The following XKR9 variants were observed in gnomAD, a reference collection of about 807,000 sequenced individuals.
The protein encoded by XKR9 is XK-related protein 9.
In XKR9, 32 loss-of-function variants were observed where a neutral mutation model predicts 32.0. The ratio of observed to expected loss-of-function variants is 1.00; its 90% CI spans 0.76 to 1.34. The LOEUF (loss-of-function observed/expected upper bound fraction) is 1.34, where lower values mean the gene tolerates loss of function less well. Ranked by LOEUF, XKR9 falls within the 40% of genes most tolerant of loss-of-function variation. The probability of loss-of-function intolerance (pLI) is 0.00; values close to 1 mark genes in which losing one functional copy is unlikely to be tolerated. For missense variants in XKR9, 546 were observed against 429.7 expected (o/e 1.27, Z -2.39); for synonymous variants, 168 against 143.4 (o/e 1.17, Z -1.22).
the XKR9 span, among the ~76,000 whole-genome samples, chr8:70,943,034 TA>T: frequency 6.0e-5 from 9 of 151,004 alleles, no homozygotes; most frequent in East Asian, 1.9e-4. Flanking sequence ...TAATACAGCC[TA>T]AAAATTTATG....
the XKR9 span, among the ~76,000 whole-genome samples, chr8:70,831,225 A>C: frequency 6.8e-6 from 1 of 147,818 alleles, no homozygotes; most frequent in Non-Finnish European, 1.5e-5. Context: ...TGGGAGACGG[A>C]GGTTGCAGTG....
the XKR9 span, among the ~76,000 whole-genome samples, chr8:70,867,908 A>G: frequency 1.3e-5 from 2 of 152,224 alleles, no homozygotes; most frequent in African/African-American, 4.8e-5. Context: ...GCATTGGGTA[A>G]ATATAGTCAT....
chr8:70,705,392 G>A (rs1295864667), intron 3 of XKR9, among the ~76,000 whole-genome samples: 3 of 152,172 alleles, frequency 2.0e-5, no homozygotes, highest in Non-Finnish European at 4.4e-5. Context: ...ATAGGGTAAA[G>A]AGATAGAATA....
At chr8:70,866,224 A>C in the XKR9 span, among the ~76,000 whole-genome samples, 2 of 152,230 alleles carry the variant, frequency 1.3e-5, no homozygotes, top group Admixed American at 1.3e-4. Context: ...GCACATGCCT[A>C]AATTCCCCAG....
the XKR9 span, among the ~76,000 whole-genome samples, chr8:70,810,596 T>C: frequency 6.6e-6 from 1 of 151,984 alleles, no homozygotes; most frequent in Non-Finnish European, 1.5e-5. Context: ...TGGAGGAAGA[T>C]CTACAAAGCA....
At chr8:70,870,137 A>G in the XKR9 span, among the ~76,000 whole-genome samples, 2 of 152,202 alleles carry the variant, frequency 1.3e-5, no homozygotes, top group African/African-American at 4.8e-5. Context: ...TCTCTCTTGT[A>G]AGGTCTTAAC....
At chr8:70,904,830 T>C in the XKR9 span, among the ~76,000 whole-genome samples, 1 of 152,212 alleles carries the variant, frequency 6.6e-6, no homozygotes, top group Non-Finnish European at 1.5e-5. Flanking sequence ...TGACAAAATC[T>C]CTCGGCAGTT....
At chr8:70,753,811 G>A (rs71525106) in intron 2 of XKR9, among the ~76,000 whole-genome samples, 42,683 of 140,308 alleles carry the variant, frequency 0.3, 7,589 homozygotes, top group Non-Finnish European at 0.41. Context: ...CCAATATCAT[G>A]CTGAATGGGC....
At chr8:70,776,947 C>CTCTCTCTATATATATATATATATATA in intron 2 of XKR9, among the ~76,000 whole-genome samples, 14 of 54,202 alleles carry the variant, frequency 2.6e-4, no homozygotes, top group African/African-American at 9.5e-4. Context: ...CTCTCTCTCT[C>CTCTCTCTATATATATATATATATATA]TATATATATA....
the XKR9 span, among the ~76,000 whole-genome samples, chr8:70,952,187 C>G: frequency 7.1e-6 from 1 of 140,090 alleles, no homozygotes; most frequent in African/African-American, 2.6e-5. Flanking sequence ...CACACACACA[C>G]AGTACTCTTA....
At chr8:70,929,988 TC>T in the XKR9 span, among the ~76,000 whole-genome samples, 1 of 152,190 alleles carries the variant, frequency 6.6e-6, no homozygotes, top group Non-Finnish European at 1.5e-5. Context: ...GGCACCTTCT[TC>T]AGATTTCCAA....
At chr8:70,805,576 A>T in the XKR9 span, among the ~76,000 whole-genome samples, 1 of 152,218 alleles carries the variant, frequency 6.6e-6, no homozygotes, top group Admixed American at 6.5e-5. Context: ...TGCTGAAGCC[A>T]GGGAGACTGG....
At chr8:70,773,211 G>A (rs1807476688) in intron 2 of XKR9, among the ~76,000 whole-genome samples, 1 of 152,168 alleles carries the variant, frequency 6.6e-6, no homozygotes, top group African/African-American at 2.4e-5. Context: ...GTGTCTTTGA[G>A]GGATTTTTAG....
the XKR9 span, among the ~76,000 whole-genome samples, chr8:70,797,218 C>T: frequency 6.6e-6 from 1 of 152,150 alleles, no homozygotes; most frequent in Non-Finnish European, 1.5e-5. Flanking sequence ...TGCGCACACA[C>T]ACACATGCAC....
chr8:70,876,970 A>G, the XKR9 span, among the ~76,000 whole-genome samples: 72 of 152,140 alleles, frequency 4.7e-4, no homozygotes, highest in Non-Finnish European at 8.2e-4. Context: ...CATCTGTAAT[A>G]GTAGTGTATT....
chr8:70,926,127 T>A, the XKR9 span, among the ~76,000 whole-genome samples: 2 of 152,178 alleles, frequency 1.3e-5, no homozygotes, highest in African/African-American at 2.4e-5. Context: ...TAGGCTGGAG[T>A]GCAATGGCGC....
At chr8:70,737,839 AGCTTTTTGAT>A (rs1317153802), downstream of XKR9, among the ~76,000 whole-genome samples, 15 of 120,590 alleles carry the variant, frequency 1.2e-4, no homozygotes, top group Admixed American at 1.0e-3. Context: ...ATGGTGGATA[AGCTTTTTGAT>A]GTGCTGCTGG....
chr8:71,057,949 C>T, the XKR9 span, among the ~76,000 whole-genome samples: 2 of 152,008 alleles, frequency 1.3e-5, no homozygotes, highest in African/African-American at 4.8e-5. Flanking sequence ...CTTTGGGAGG[C>T]CGAGGTGGAT....
At chr8:70,983,136 A>G in the XKR9 span, among the ~76,000 whole-genome samples, 1 of 152,174 alleles carries the variant, frequency 6.6e-6, no homozygotes, top group Non-Finnish European at 1.5e-5. Context: ...TCTCATCTCG[A>G]ATGCACAATT....
Sources: gnomAD v4.1 joint callset for allele counts (sites outside exome capture counted in the v4.1 genomes callset) on GRCh38, gnomAD v4.1.1 for gene constraint, MANE v1.5 for transcripts, NCBI Gene and HGNC (gene_info 2026-07-23, HGNC 2026-07-21) for gene names.